COL4A2: variants seen among roughly 807,000 people sequenced by gnomAD.
COL4A2 encodes the protein collagen type IV alpha 2 chain.
In COL4A2, 99 loss-of-function variants were observed where a neutral mutation model predicts 200.2. The ratio of observed to expected loss-of-function variants is 0.49; its 90% confidence interval spans 0.42 to 0.58. The LOEUF (loss-of-function observed/expected upper bound fraction) is 0.58, where lower values mean the gene tolerates loss of function less well. COL4A2 is among the 20% of genes least tolerant of loss of function. COL4A2 has a pLI of 0.00. For synonymous variants in COL4A2, 897 were observed against 900.6 expected (o/e 1.00, Z 0.07); for missense variants, 1,950 against 2,314.1 (o/e 0.84, Z 3.23).
chr13:110,502,765 C>A, intron 41 of COL4A2: 1 of 217,660 alleles, frequency 4.6e-6, no homozygotes, highest in Non-Finnish European at 9.0e-6. Context: ...CTGAAGTCAT[C>A]AAATTCATAG....
chr13:110,486,380 G>C (rs7987772), intron 34 of COL4A2, among the ~76,000 whole-genome samples: 3,089 of 152,330 alleles, frequency 0.02, 101 homozygotes, highest in African/African-American at 0.069. Context: ...GCAGAATGAA[G>C]GTAGTAGCTA....
chr13:110,408,885 GCA>G (rs1879700669), intron 4 of COL4A2, among the ~76,000 whole-genome samples: 1 of 110,164 alleles, frequency 9.1e-6, no homozygotes, highest in Non-Finnish European at 1.8e-5. Context: ...ATGGACACGC[GCA>G]CACGTTTACA....
chr13:110,470,757 T>A (rs942706860), intron 28 of COL4A2, among the ~76,000 whole-genome samples: 3 of 152,110 alleles, frequency 2.0e-5, no homozygotes, highest in Admixed American at 2.0e-4. Context: ...ACCCTGCCCC[T>A]CCCCTGACCT....
chr13:110,460,121 A>T (rs34119774), intron 22 of COL4A2, among the ~76,000 whole-genome samples: 2,767 of 152,318 alleles, frequency 0.018, 33 homozygotes, highest in Non-Finnish European at 0.028. Context: ...TATTTAACAT[A>T]TTCAGCAATA....
At chr13:110,439,075 C>G (rs1428827214) in intron 15 of COL4A2, among the ~76,000 whole-genome samples, 1 of 152,226 alleles carries the variant, frequency 6.6e-6, no homozygotes, top group Non-Finnish European at 1.5e-5. Context: ...AAAAATGTCC[C>G]TAGTCGTAAG....
chr13:110,355,650 G>A (rs1237060538), intron 3 of COL4A2, among the ~76,000 whole-genome samples: 1 of 72,922 alleles, frequency 1.4e-5, no homozygotes, highest in Admixed American at 1.2e-4. Context: ...TGTGTGTGGG[G>A]GAGGGCTGCA....
intron 3 of COL4A2, among the ~76,000 whole-genome samples, chr13:110,318,878 G>T (rs983283296): frequency 6.6e-6 from 1 of 151,888 alleles, no homozygotes; most frequent in African/African-American, 2.4e-5. Flanking sequence ...TAGAGTTATT[G>T]TTAACTCTAG....
At position 110,408,976 on chromosome 13, in the gene COL4A2, ACACACACATG is replaced by A. The variant is rs1259091710; in HGVS notation, c.181-15750_181-15741del. ...GGACACATACACATAACGCACATATACACACACATGCACACACGCACACATACACACACAC... is the reference window on the plus strand; with the variant it reads ...GGACACATACACATAACGCACATATACACACACGCACACATACACACACAC... On this transcript the variant is annotated intron_variant, in intron 4 of 47. Coordinates refer to ENST00000360467, the MANE Select transcript of COL4A2 (RefSeq NM_001846.4). Among the ~76,000 whole-genome samples, 19 of 6,248 alleles carry A rather than the reference ACACACACATG, an allele frequency of 3.0e-3. 8 individuals carry two copies. The highest frequency in any genetic ancestry group is 8.2e-3 in the African/African-American group (19 of 2,318). The allele number at this position is 6,248 out of a possible 152,430, so 4.1% of individuals were successfully genotyped here. A position where few individuals can be genotyped will look rare whatever the true frequency, so the allele number is the denominator to read the frequency against.
Position 110,434,402 on chromosome 13 carries a change from G to A in COL4A2, c.686G>A (p.Gly229Asp), listed in dbSNP as rs748782321. The change falls in exon 12 of 48, where the codon GGC becomes GAC. Residue 229 changes from glycine to aspartate, a missense_variant and splice_region_variant. By Grantham distance (94) the Gly-to-Asp change is moderately conservative. Around this residue, in one of 2 missense-constraint regions of COL4A2, gnomAD observed 565 missense variants for 593.5 expected, o/e 0.95. Coordinates refer to ENST00000360467, the MANE Select transcript of COL4A2 (RefSeq NM_001846.4). Reference sequence around the variant, plus strand: ...TACAGAAATTATTTATCTTTTCAGGGCAACAGAGGACTTGGTTTCTACGGA... The same window carrying A: ...TACAGAAATTATTTATCTTTTCAGGACAACAGAGGACTTGGTTTCTACGGA... Reference protein sequence around the residue: ...PGPPGPKGQQGNRGLGFYGVK... With the variant: ...PGPPGPKGQQDNRGLGFYGVK... 1.2e-6 allele frequency: 2 copies of A among 1,613,124 alleles called. No homozygotes were observed. Among genetic ancestry groups the A allele is most frequent in the Non-Finnish European group, 1.7e-6 (2 of 1,179,522 alleles).
In COL4A2 at chr13:110,489,915, G is replaced by C. The variant is rs1236101970; in HGVS notation, c.3346+130G>C. ...ACTTGATAGTGAATGAGGTCTTCAAGTCCAATGTGCAAGAAAGACCGTCGT... is the reference window on the plus strand; with the variant it reads ...ACTTGATAGTGAATGAGGTCTTCAACTCCAATGTGCAAGAAAGACCGTCGT... On this transcript the variant is annotated intron_variant, in intron 36 of 47. Coordinates refer to ENST00000360467, the MANE Select transcript of COL4A2 (RefSeq NM_001846.4). 11 of 910,684 alleles carry C rather than the reference G, an allele frequency of 1.2e-5. No homozygotes were observed. The Admixed American group carries it at 2.8e-4, about 23-fold the overall frequency. The allele number at this position is 910,684 out of a possible 1,614,324, so 56.4% of individuals were successfully genotyped here. A position where few individuals can be genotyped will look rare whatever the true frequency, so the allele number is the denominator to read the frequency against.
chr13:110,407,412 G>T (rs1879614057), intron 4 of COL4A2, among the ~76,000 whole-genome samples: 1 of 152,236 alleles, frequency 6.6e-6, no homozygotes, highest in African/African-American at 2.4e-5. Context: ...TGGATGCGGG[G>T]CTCCAGCCAC....
intron 4 of COL4A2, among the ~76,000 whole-genome samples, chr13:110,363,526 A>C (rs1018877144): frequency 6.6e-6 from 1 of 152,186 alleles, no homozygotes; most frequent in Non-Finnish European, 1.5e-5. Flanking sequence ...TTGGAGGCAG[A>C]TAACGAGAAG....
intron 3 of COL4A2, among the ~76,000 whole-genome samples, chr13:110,312,469 GATGTGTA>G (rs1441903115): frequency 6.6e-6 from 1 of 152,160 alleles, no homozygotes; most frequent in East Asian, 1.9e-4. Flanking sequence ...AAAGAAAATG[GATGTGTA>G]GTTTAAATAA....
At position 110,456,174 on chromosome 13, in the gene COL4A2, G is replaced by A. The variant is rs572064827; in HGVS notation, c.1340-1169G>A. 3.3e-5 allele frequency among the ~76,000 whole-genome samples: 5 copies of A among 152,376 alleles called. No individual in the cohort carries two copies. The South Asian group carries it at 1.0e-3, about 32-fold the overall frequency. ...GCCCCCGCCGGGATCATTGAGCCCT[G>A]CAGGAGCTAGTGGGGAGAGGTTTAC... On this transcript the variant is annotated intron_variant, in intron 20 of 47. Coordinates refer to ENST00000360467, the MANE Select transcript of COL4A2 (RefSeq NM_001846.4).
chr13:110,385,093 T>C (rs1878634319), intron 4 of COL4A2, among the ~76,000 whole-genome samples: 1 of 151,930 alleles, frequency 6.6e-6, no homozygotes, highest in Non-Finnish European at 1.5e-5. Context: ...TAAAACACTG[T>C]CTACTAAAAA....
chr13:110,472,712 C>T (rs1015767421), intron 28 of COL4A2, among the ~76,000 whole-genome samples: 3 of 151,962 alleles, frequency 2.0e-5, no homozygotes, highest in Non-Finnish European at 4.4e-5. Context: ...GCTGGGGGGC[C>T]GAATGGCGGG....
chr13:110,377,508 C>G (rs971339004), intron 4 of COL4A2, among the ~76,000 whole-genome samples: 7 of 152,202 alleles, frequency 4.6e-5, no homozygotes, highest in Non-Finnish European at 1.0e-4. Context: ...CTGGGTGTGC[C>G]CACCCCACCC....
chr13:110,470,604 C>T (rs1200259738), intron 28 of COL4A2, among the ~76,000 whole-genome samples: 1 of 152,150 alleles, frequency 6.6e-6, no homozygotes, highest in Non-Finnish European at 1.5e-5. Flanking sequence ...CTTCTAGGAC[C>T]CCCACTTATC....
intron 3 of COL4A2, among the ~76,000 whole-genome samples, chr13:110,343,794 C>G (rs1876574005): frequency 6.6e-6 from 1 of 152,204 alleles, no homozygotes; most frequent in Admixed American, 6.5e-5. Flanking sequence ...CTCTTTCATT[C>G]CATGCTTTTC....
Sources: allele counts gnomAD v4.1 joint callset (sites outside exome capture counted in the v4.1 genomes callset), GRCh38; gene constraint gnomAD v4.1.1; regional missense constraint gnomAD v4.1.1; transcripts MANE v1.5; gene names NCBI Gene and HGNC (gene_info 2026-07-23, HGNC 2026-07-21).